CCT3: variants seen among roughly 807,000 people sequenced by gnomAD.
CCT3 encodes chaperonin containing TCP1 subunit 3.
Under a neutral mutation model 65.3 loss-of-function variants are expected in CCT3, and 10 were observed. That is an observed-to-expected ratio of 0.15 (90% confidence interval 0.09 to 0.26). The LOEUF (loss-of-function observed/expected upper bound fraction) is 0.26, where lower values mean the gene tolerates loss of function less well. Ranked by LOEUF, CCT3 falls within the 10% of genes least tolerant of loss-of-function variation. The probability of loss-of-function intolerance (pLI) is 1.00; values close to 1 mark genes in which losing one functional copy is unlikely to be tolerated. For missense variants in CCT3, 626 were observed against 708.7 expected (o/e 0.88, Z 1.33); for synonymous variants, 225 against 242.3 (o/e 0.93, Z 0.66).
At chr1:156,327,280 CCCCTCTCCCTCTCCACGGTCT>C (rs879490413) in intron 5 of CCT3, among the ~76,000 whole-genome samples, 7 of 152,212 alleles carry the variant, frequency 4.6e-5, no homozygotes, top group South Asian at 2.1e-4. Context: ...TCTCCCCTCT[CCCCTCTCCCTCTCCACGGTCT>C]CCCTCTCCCT....
intron 1 of CCT3, chr1:156,337,211 C>T: frequency 4.8e-6 from 2 of 415,494 alleles, no homozygotes; most frequent in Non-Finnish European, 4.2e-6. Context: ...AGTTGGAGAC[C>T]AGCCTGGTCA....
intron 8 of CCT3, among the ~76,000 whole-genome samples, chr1:156,318,436 C>T (rs1358838737): frequency 6.6e-6 from 1 of 152,026 alleles, no homozygotes; most frequent in Non-Finnish European, 1.5e-5. Context: ...CTAGGCTGGT[C>T]TTGAACTCCT....
intron 11 of CCT3, among the ~76,000 whole-genome samples, 165 bp downstream of exon 11, chr1:156,311,876 T>C (rs1664098875): frequency 6.6e-6 from 1 of 152,152 alleles, no homozygotes; most frequent in South Asian, 2.1e-4. Flanking sequence ...ATTTTTAAAA[T>C]TTTAAATTAT....
chr1:156,325,211 G>T, intron 5 of CCT3, 122 bp from the exon 6 acceptor site: 2 of 725,366 alleles, frequency 2.8e-6, no homozygotes, highest in Non-Finnish European at 4.8e-6. Context: ...ATGACATTTG[G>T]CCATTCATAC....
chr1:156,336,369 C>T lies in CCT3; in HGVS notation c.32-481G>A, dbSNP rs115176000. On this transcript the variant is annotated intron_variant, in intron 1 of 13. Coordinates refer to ENST00000295688, the MANE Select transcript of CCT3 (RefSeq NM_005998.5). ...TAAGAAATGACCATTCATTGCTTTG[C>T]GTAAGCAGGGAAAGAGTTTGGGGAT... Among the ~76,000 whole-genome samples the T allele has an allele frequency of 5.5e-3, 816 of 147,366 alleles. 12 individuals carry two copies. Among genetic ancestry groups the T allele is most frequent in the African/African-American group, 0.019 (771 of 40,870 alleles).
chr1:156,326,032 C>G lies in CCT3; in HGVS notation c.305-943G>C, dbSNP rs746726005. ...TAAAAACAAAACACACAAAACCCTACCTCTGAAAGAATATTCAGGGCTGGA... is the reference window on the plus strand; with the variant it reads ...TAAAAACAAAACACACAAAACCCTAGCTCTGAAAGAATATTCAGGGCTGGA... On this transcript the variant is annotated intron_variant, in intron 5 of 13. Coordinates refer to ENST00000295688, the MANE Select transcript of CCT3 (RefSeq NM_005998.5). Among the ~76,000 whole-genome samples, 3 of 152,136 alleles carry G rather than the reference C, an allele frequency of 2.0e-5. No individual in the cohort carries two copies. In the South Asian group the frequency reaches 6.2e-4, roughly 31 times the overall value.
At position 156,338,285 on chromosome 1, in the gene CCT3, G is replaced by C. The variant is rs912115259; in HGVS notation, c.-101C>G. On this transcript the variant is annotated 5_prime_UTR_variant, in exon 1 of 14. Coordinates refer to ENST00000295688, the MANE Select transcript of CCT3 (RefSeq NM_005998.5). Reference sequence around the variant, plus strand: ...AAGCCCAGAAAACGCTGCCTCCTCAGGGCTTACACCTCAACCCGCTACTCT... The same window carrying C: ...AAGCCCAGAAAACGCTGCCTCCTCACGGCTTACACCTCAACCCGCTACTCT... 1.7e-6 allele frequency: 2 copies of C among 1,170,834 alleles called. No individual in the cohort carries two copies. Among genetic ancestry groups the C allele is most frequent in the Non-Finnish European group, 2.5e-6 (2 of 804,668 alleles). The allele number at this position is 1,170,834 out of a possible 1,614,324, so 72.5% of individuals were successfully genotyped here. A position where few individuals can be genotyped will look rare whatever the true frequency, so the allele number is the denominator to read the frequency against.
At chr1:156,317,842 G>A (rs1053102829) in intron 8 of CCT3, among the ~76,000 whole-genome samples, 13 of 151,952 alleles carry the variant, frequency 8.6e-5, no homozygotes, top group Non-Finnish European at 1.9e-4. Context: ...CCGAGTAGCT[G>A]GGACTACAGG....
intron 5 of CCT3, among the ~76,000 whole-genome samples, chr1:156,330,736 A>T (rs1255068690): frequency 6.6e-6 from 1 of 152,024 alleles, no homozygotes; most frequent in Non-Finnish European, 1.5e-5. Flanking sequence ...AGCCTGGCCA[A>T]CATGGTGAAA....
chr1:156,315,891 G>T (rs904425007), intron 10 of CCT3, among the ~76,000 whole-genome samples: 8 of 151,972 alleles, frequency 5.3e-5, no homozygotes, highest in Non-Finnish European at 1.2e-4. Flanking sequence ...AAAGATAAAA[G>T]AAAAAAATTA....
intron 10 of CCT3, among the ~76,000 whole-genome samples, chr1:156,312,928 G>A (rs2101630955): frequency 6.6e-6 from 1 of 152,326 alleles, no homozygotes; most frequent in East Asian, 1.9e-4. Flanking sequence ...AGAATTTAAT[G>A]CCAGCAAAGG....
Position 156,322,165 on chromosome 1 carries a change from G to A in CCT3, c.423-1140C>T, listed in dbSNP as rs144714374. Among the ~76,000 whole-genome samples the A allele has an allele frequency of 7.9e-3, 1,202 of 152,294 alleles. 23 individuals carry two copies. The highest frequency in any genetic ancestry group is 0.027 in the African/African-American group (1,103 of 41,550). ...CTGGGGCAGGATTGCTTGAGCCCAG[G>A]AGCTGGAAGCTGCAGTAAGCTGTGA... is the stretch of plus-strand genomic sequence containing the variant. On this transcript the variant is annotated intron_variant, in intron 6 of 13. Transcript: ENST00000295688.
intron 12 of CCT3, 100 bp downstream of exon 12, chr1:156,310,850 G>A (rs974387815): frequency 6.7e-7 from 1 of 1,486,816 alleles, no homozygotes; most frequent in Non-Finnish European, 9.1e-7. Context: ...TCAAGGAATA[G>A]ACTATAAAGA....
chr1:156,325,706 T>C (rs535763288), intron 5 of CCT3, among the ~76,000 whole-genome samples: 1 of 151,986 alleles, frequency 6.6e-6, no homozygotes, highest in Admixed American at 6.6e-5. Context: ...GCCTCCCAAG[T>C]AGCTGGGATT....
At chr1:156,337,940 A>G (rs369532350) in intron 1 of CCT3, among the ~76,000 whole-genome samples, 10 of 152,338 alleles carry the variant, frequency 6.6e-5, no homozygotes, top group African/African-American at 2.4e-4. Context: ...TCAAGGAAAG[A>G]GGCTCGGCGA....
At chr1:156,337,272 G>A in intron 1 of CCT3, 1 of 334,816 alleles carries the variant, frequency 3.0e-6, no homozygotes, top group African/African-American at 2.3e-5. Flanking sequence ...GCCGTGCGTG[G>A]TGGCGCGCGC....
intron 4 of CCT3, among the ~76,000 whole-genome samples, chr1:156,334,368 C>T (rs775881285): frequency 1.2e-4 from 18 of 151,948 alleles, no homozygotes; most frequent in Non-Finnish European, 2.4e-4. Context: ...AGGGTGGGCT[C>T]GAAGACCAAT....
At chr1:156,315,181 G>A (rs1019882064) in intron 10 of CCT3, among the ~76,000 whole-genome samples, 3 of 151,970 alleles carry the variant, frequency 2.0e-5, no homozygotes, top group Admixed American at 6.6e-5. Flanking sequence ...TTCCACTTAA[G>A]GCATAGTAAA....
Position 156,324,873 on chromosome 1 carries a change from C to T in CCT3, c.422+99G>A, listed in dbSNP as rs112132824. 1,845 of 751,140 alleles carry T rather than the reference C, an allele frequency of 2.5e-3. 28 individuals are homozygous for T. In the African/African-American group the frequency reaches 0.026, roughly 11 times the overall value. 46.5% of individuals were successfully genotyped at this position (751,140 alleles called of 1,614,324 possible). On this transcript the variant is annotated intron_variant, in intron 6 of 13. Coordinates refer to ENST00000295688, the MANE Select transcript of CCT3 (RefSeq NM_005998.5). ...CCATCTCCTGACCTCAAGATCCACC[C>T]GCCTAGGCCTCCCAAAGTGCTGGGA... is the stretch of plus-strand genomic sequence containing the variant.
Sources: gnomAD v4.1 joint callset for allele counts (sites outside exome capture counted in the v4.1 genomes callset) on GRCh38, gnomAD v4.1.1 for gene constraint, MANE v1.5 for transcripts, NCBI Gene and HGNC (gene_info 2026-07-23, HGNC 2026-07-21) for gene names.